RNF217: variants seen among roughly 807,000 people sequenced by gnomAD.
RNF217 encodes E3 ubiquitin-protein ligase RNF217.
RNF217 carries 31 observed loss-of-function variants against 57.8 expected under a neutral mutation model. The observed-to-expected ratio is 0.54, with a 90% CI of 0.40 to 0.72. RNF217 has a LOEUF of 0.72. Among genes scored for constraint, RNF217 ranks in the 30% least tolerant of loss-of-function variants. The probability of loss-of-function intolerance (pLI) is 0.00; values close to 1 mark genes in which losing one functional copy is unlikely to be tolerated. For missense variants in RNF217, 696 were observed against 708.3 expected, an observed-to-expected ratio of 0.98 and a Z score of 0.20; for synonymous variants, 313 against 294.0, an observed-to-expected ratio of 1.06 and a Z score of -0.66.
In RNF217 at chr6:124,994,725, A is replaced by C. The variant is rs192950843; in HGVS notation, c.882+31299A>C. 4.0e-3 allele frequency among the ~76,000 whole-genome samples: 606 copies of C among 152,322 alleles called. 9 individuals are homozygous for C. Among genetic ancestry groups the C allele is most frequent in the Admixed American group, 0.027 (418 of 15,290 alleles). Reference sequence around the variant, plus strand: ...GTTTTCTTTTGTGCTAGTAAGTGCTACTTTAGGCAGTTGTATGGCATTATA... The same window carrying C: ...GTTTTCTTTTGTGCTAGTAAGTGCTCCTTTAGGCAGTTGTATGGCATTATA... On this transcript the variant is annotated intron_variant, in intron 1 of 5. Coordinates refer to ENST00000521654, the MANE Select transcript of RNF217 (RefSeq NM_001286398.3).
intron 3 of RNF217, among the ~76,000 whole-genome samples, chr6:125,073,978 G>C (rs1180059093): frequency 2.0e-5 from 3 of 152,132 alleles, no homozygotes; most frequent in African/African-American, 7.2e-5. Flanking sequence ...AGCTAGTGGA[G>C]CTAGAATTCA....
chr6:125,012,631 A>C (rs146467615), intron 1 of RNF217, among the ~76,000 whole-genome samples: 1 of 152,144 alleles, frequency 6.6e-6, no homozygotes, highest in African/African-American at 2.4e-5. Flanking sequence ...CAGAATTTTC[A>C]TGAATTTGTT....
At chr6:125,058,332 T>C (rs1426035060) in intron 3 of RNF217, among the ~76,000 whole-genome samples, 1 of 152,136 alleles carries the variant, frequency 6.6e-6, no homozygotes, top group Non-Finnish European at 1.5e-5. Flanking sequence ...AGGCCACATA[T>C]AAATATTGAC....
chr6:125,077,903 A>AC (rs1236060031), intron 4 of RNF217, among the ~76,000 whole-genome samples: 1 of 152,188 alleles, frequency 6.6e-6, no homozygotes, highest in African/African-American at 2.4e-5. Flanking sequence ...AGCATATGAT[A>AC]CCTGATCAGA....
chr6:125,034,433 C>T lies in RNF217; in HGVS notation c.883-10778C>T, dbSNP rs1582734407. ...CCATATGGCTAGCCAGTTTTCCCAG[C>T]ACCATTTATTAAATAGGGAATCCTT... On this transcript the variant is annotated intron_variant, in intron 1 of 5. Transcript: ENST00000521654. 2.0e-5 allele frequency among the ~76,000 whole-genome samples: 3 copies of T among 152,258 alleles called. No homozygotes were observed. In the South Asian group the frequency reaches 6.2e-4, roughly 32 times the overall value.
intron 3 of RNF217, among the ~76,000 whole-genome samples, chr6:125,064,883 T>C (rs1263142526): frequency 6.6e-6 from 1 of 152,070 alleles, no homozygotes; most frequent in Non-Finnish European, 1.5e-5. Flanking sequence ...GTAGTGTACC[T>C]TAAAACCATG....
chr6:125,017,745 A>T (rs746042832), intron 1 of RNF217, among the ~76,000 whole-genome samples: 1 of 152,140 alleles, frequency 6.6e-6, no homozygotes, highest in Non-Finnish European at 1.5e-5. Context: ...ATATTAACTG[A>T]CTGTATTTTT....
chr6:125,056,923 G>C (rs1223895860), intron 2 of RNF217, among the ~76,000 whole-genome samples: 1 of 152,128 alleles, frequency 6.6e-6, no homozygotes, highest in Non-Finnish European at 1.5e-5. Context: ...GTGGAAGACA[G>C]ATATTCATAT....
rs1788678643 is a variant in RNF217 at position 125,083,521 on chromosome 6, T to C, written c.*584T>C. On this transcript the variant is annotated 3_prime_UTR_variant, in exon 6 of 6. Coordinates refer to ENST00000521654, the MANE Select transcript of RNF217 (RefSeq NM_001286398.3). ...CTAAATTAATGAGAAGAATATTAAG[T>C]TACTGAAGTGTATATGCGTAGGGGC... is the stretch of plus-strand genomic sequence containing the variant. 1 of 152,126 alleles carries C rather than the reference T, an allele frequency of 6.6e-6. No individual in the cohort carries two copies. Among genetic ancestry groups the C allele is most frequent in the Non-Finnish European group, 1.5e-5 (1 of 68,036 alleles). The allele number at this position is 152,126 out of a possible 1,614,324, so 9.4% of individuals were successfully genotyped here. A position where few individuals can be genotyped will look rare whatever the true frequency, so the allele number is the denominator to read the frequency against.
Position 125,004,658 on chromosome 6 carries a change from A to G in RNF217, c.883-40553A>G, listed in dbSNP as rs1365187112. Among the ~76,000 whole-genome samples the G allele has an allele frequency of 2.0e-5, 3 of 152,356 alleles. No individual in the cohort carries two copies. In the East Asian group the frequency reaches 5.8e-4, roughly 29 times the overall value. On this transcript the variant is annotated intron_variant, in intron 1 of 5. Transcript: ENST00000521654. ...GCTGTGAAGGCCTAAGTCTTTTTAA[A>G]TGATCCTCTGTTTCACTTGTTGTTG...
At chr6:125,036,953 G>C (rs1023405510) in intron 1 of RNF217, among the ~76,000 whole-genome samples, 10 of 149,646 alleles carry the variant, frequency 6.7e-5, no homozygotes, top group Admixed American at 6.7e-4. Flanking sequence ...AGGAAGTGGA[G>C]AAATAGGAAT....
At chr6:125,036,054 C>A (rs1254158780) in intron 1 of RNF217, among the ~76,000 whole-genome samples, 1 of 152,004 alleles carries the variant, frequency 6.6e-6, no homozygotes, top group East Asian at 1.9e-4. Context: ...ATAGTTATTT[C>A]TCCTAATGCT....
At chr6:125,008,369 C>G (rs910366097) in intron 1 of RNF217, among the ~76,000 whole-genome samples, 7 of 152,212 alleles carry the variant, frequency 4.6e-5, no homozygotes, top group African/African-American at 1.7e-4. Flanking sequence ...AAAGCAAAAC[C>G]ATAGATGAAG....
intron 3 of RNF217, among the ~76,000 whole-genome samples, chr6:125,071,466 T>C (rs1788135632): frequency 6.7e-6 from 1 of 150,190 alleles, no homozygotes; most frequent in Non-Finnish European, 1.5e-5. Context: ...ATTTTCAACT[T>C]GGAGCATCTG....
At chr6:124,992,233 A>G (rs1158186654) in intron 1 of RNF217, among the ~76,000 whole-genome samples, 3 of 152,196 alleles carry the variant, frequency 2.0e-5, no homozygotes, top group African/African-American at 4.8e-5. Flanking sequence ...TAAGTAGGAC[A>G]TGTATTCATT....
At chr6:124,967,549 G>A (rs1299606794) in intron 1 of RNF217, among the ~76,000 whole-genome samples, 2 of 152,152 alleles carry the variant, frequency 1.3e-5, no homozygotes, top group African/African-American at 4.8e-5. Flanking sequence ...CTAGAGATTG[G>A]CAGATGCATA....
At chr6:124,981,842 C>A (rs909811186) in intron 1 of RNF217, among the ~76,000 whole-genome samples, 1 of 151,050 alleles carries the variant, frequency 6.6e-6, no homozygotes, top group Non-Finnish European at 1.5e-5. Flanking sequence ...CGTGGTGAAA[C>A]CCTGTCTCTA....
chr6:125,047,806 A>G (rs1205124234), intron 2 of RNF217, among the ~76,000 whole-genome samples: 1 of 152,118 alleles, frequency 6.6e-6, no homozygotes, highest in African/African-American at 2.4e-5. Flanking sequence ...TTGATTATGA[A>G]GCAGTTAAGA....
rs199898996 is a variant in RNF217 at position 125,013,556 on chromosome 6, A to AG, written c.883-31655_883-31654insG. On this transcript the variant is annotated intron_variant, in intron 1 of 5. Transcript: ENST00000521654. ...GAGGCCAGAATATGTCTGGGAAAAA[A>AG]AAAAAAGTAGTCTGAAAGCTTTGGC... Among the ~76,000 whole-genome samples the AG allele has an allele frequency of 7.0e-3, 1,060 of 152,036 alleles. 9 individuals are homozygous for AG. Among genetic ancestry groups the AG allele is most frequent in the Admixed American group, 0.011 (161 of 15,222 alleles).
Sources: allele counts gnomAD v4.1 joint callset (sites outside exome capture counted in the v4.1 genomes callset), GRCh38; gene constraint gnomAD v4.1.1; transcripts MANE v1.5; gene names NCBI Gene and HGNC (gene_info 2026-07-23, HGNC 2026-07-21).